Variants in COPS8 observed in about 807,000 individuals in gnomAD.
COPS8 encodes the protein COP9 signalosome subunit 8.
A neutral mutation model predicts 31.5 loss-of-function variants in COPS8; 11 were observed. The ratio of observed to expected loss-of-function variants is 0.35; its 90% CI spans 0.22 to 0.58. The LOEUF (loss-of-function observed/expected upper bound fraction) is 0.58, where lower values mean the gene tolerates loss of function less well. COPS8 is among the 20% of genes least tolerant of loss of function. The pLI, the probability that COPS8 is intolerant of heterozygous loss-of-function variation, is 0.83. For synonymous variants in COPS8, 81 were observed against 89.3 expected, an observed-to-expected ratio of 0.91 and a Z score of 0.52; for missense variants, 215 against 255.1, an observed-to-expected ratio of 0.84 and a Z score of 1.07.
At chr2:237,095,224 C>T (rs758064869) in intron 5 of COPS8, among the ~76,000 whole-genome samples, 7 of 152,136 alleles carry the variant, frequency 4.6e-5, no homozygotes, top group Admixed American at 1.3e-4. Flanking sequence ...CTTCAGAGCT[C>T]GTATTCTCAG....
At chr2:237,096,645 A>T (rs1387938266) in intron 6 of COPS8, 177 bp from the exon 7 acceptor site, 46 of 647,540 alleles carry the variant, frequency 7.1e-5, no homozygotes. Flanking sequence ...ATCCCAGTCA[A>T]GTGAGATAGT....
rs1036873318 is a variant in COPS8 at position 237,100,233 on chromosome 2, T to G, written c.*2491T>G. 1 of 152,190 alleles carries G rather than the reference T, an allele frequency of 6.6e-6. No individual in the cohort carries two copies. The highest frequency in any genetic ancestry group is 6.5e-5 in the Admixed American group (1 of 15,282). 9.4% of individuals were successfully genotyped at this position (152,190 alleles called of 1,614,324 possible). A position where few individuals can be genotyped will look rare whatever the true frequency, so the allele number is the denominator to read the frequency against. On this transcript the variant is annotated 3_prime_UTR_variant, in exon 8 of 8. Coordinates refer to ENST00000354371, the MANE Select transcript of COPS8 (RefSeq NM_006710.5). Reference sequence around the variant, plus strand: ...CAGGGTAAGAAATTGAGATTGAGCATGAAATATGTCCAGTACATCCATCAG... The same window carrying G: ...CAGGGTAAGAAATTGAGATTGAGCAGGAAATATGTCCAGTACATCCATCAG...
intron 3 of COPS8, 27 bp from the exon 4 acceptor site, chr2:237,089,835 C>T (rs1450090516): frequency 3.7e-6 from 6 of 1,607,208 alleles, no homozygotes; most frequent in Admixed American, 3.4e-5. Context: ...GAGTGAATAC[C>T]CTCTAAGGCA....
intron 1 of COPS8, chr2:237,086,825 A>G: frequency 4.7e-6 from 3 of 643,718 alleles, no homozygotes; most frequent in Non-Finnish European, 6.0e-6. Flanking sequence ...GAATTTGAGA[A>G]CTGGGGAAGG....
At chr2:237,096,919 C>G in intron 7 of COPS8, 50 bp downstream of exon 7, 1 of 1,328,626 alleles carries the variant, frequency 7.5e-7, no homozygotes, top group Non-Finnish European at 1.1e-6. Flanking sequence ...TTCCTAATTT[C>G]TTTTTTGTAG....
chr2:237,087,760 G>A (rs561402249), intron 2 of COPS8, among the ~76,000 whole-genome samples: 5 of 152,122 alleles, frequency 3.3e-5, no homozygotes, highest in Admixed American at 2.0e-4. Context: ...GTGAAACCCC[G>A]TCTGTCCTAA....
intron 4 of COPS8, among the ~76,000 whole-genome samples, chr2:237,090,320 A>G (rs565678384): frequency 2.0e-5 from 3 of 152,326 alleles, no homozygotes; most frequent in African/African-American, 7.2e-5. Context: ...GTGAAAATAG[A>G]GACTGCTCTT....
chr2:237,087,034 A>G (rs1696629433), intron 1 of COPS8, 93 bp from the exon 2 acceptor site: 2 of 773,934 alleles, frequency 2.6e-6, no homozygotes, highest in South Asian at 4.1e-5. Context: ...ATTAGCATTT[A>G]TAAAATATTA....
chr2:237,097,619 C>A, intron 7 of COPS8, 44 bp from the exon 8 acceptor site: 1 of 1,423,628 alleles, frequency 7.0e-7, no homozygotes, highest in African/African-American at 1.4e-5. Flanking sequence ...AGCTTTGTTA[C>A]TGTGGTATGT....
Position 237,095,825 on chromosome 2 carries a change from T to C in COPS8, c.443T>C (p.Ile148Thr), listed in dbSNP as rs915395164. The C allele has an allele frequency of 1.2e-6, 2 of 1,608,020 alleles. No homozygotes were observed. The highest frequency in any genetic ancestry group is 1.7e-6 in the Non-Finnish European group (2 of 1,174,476). ...GLPVEEAVKG[I>T]LEQGWQADST... The stretch of plus-strand genomic sequence containing the variant: ...TATGTGTAATATACTTTTTTAGGCA[T>C]ATTAGAACAAGGATGGCAAGCTGAT... The change falls in exon 6 of 8, where the codon ATA becomes ACA. Residue 148 changes from isoleucine (I) to threonine (T), a missense_variant. Ile to Thr is a moderately conservative substitution (Grantham distance 89). Coordinates refer to ENST00000354371, the MANE Select transcript of COPS8 (RefSeq NM_006710.5).
At position 237,099,835 on chromosome 2, in the gene COPS8, C is replaced by T. The variant is rs2106348790; in HGVS notation, c.*2093C>T. 1 of 152,252 alleles carries T rather than the reference C, an allele frequency of 6.6e-6. No homozygotes were observed. Among genetic ancestry groups the T allele is most frequent in the African/African-American group, 2.4e-5 (1 of 41,542 alleles). The allele number at this position is 152,252 out of a possible 1,614,324, so 9.4% of individuals were successfully genotyped here. A position where few individuals can be genotyped will look rare whatever the true frequency, so the allele number is the denominator to read the frequency against. On this transcript the variant is annotated 3_prime_UTR_variant, in exon 8 of 8. Coordinates refer to ENST00000354371, the MANE Select transcript of COPS8 (RefSeq NM_006710.5). Reference sequence around the variant, plus strand: ...ACAAGATGTCCAGGATTCAAGGAGGCTCTTAAAGACTTGGGATTCTGTCAA... The same window carrying T: ...ACAAGATGTCCAGGATTCAAGGAGGTTCTTAAAGACTTGGGATTCTGTCAA...
chr2:237,088,595 C>T lies in COPS8; in HGVS notation c.150-10C>T, dbSNP rs369320947. ...AATTGATTATTCTTCTTTGTGGTGG[C>T]GTAAATTAGGAATAATGCAAGATAT... On this transcript the variant is annotated splice_polypyrimidine_tract_variant and intron_variant, in intron 2 of 7. Transcript: ENST00000354371. 357 of 1,578,434 alleles carry T rather than the reference C, an allele frequency of 2.3e-4. 2 individuals carry two copies. In the South Asian group the frequency reaches 3.6e-3, roughly 16 times the overall value.
chr2:237,094,780 C>A (rs1696767613), intron 5 of COPS8, among the ~76,000 whole-genome samples: 1 of 152,034 alleles, frequency 6.6e-6, no homozygotes, highest in Admixed American at 6.6e-5. Context: ...GCCTGGCCAA[C>A]ATGGTGAAAG....
At chr2:237,092,863 G>C (rs574495362) in intron 4 of COPS8, among the ~76,000 whole-genome samples, 1 of 152,154 alleles carries the variant, frequency 6.6e-6, no homozygotes, top group African/African-American at 2.4e-5. Flanking sequence ...TTTGGTCCTC[G>C]TGATGCCATC....
At chr2:237,097,224 C>CTTTTTTTTTTTTTTTTTTTTTTTTTTTTT (rs996251270) in intron 7 of COPS8, among the ~76,000 whole-genome samples, 4 of 95,984 alleles carry the variant, frequency 4.2e-5, no homozygotes, top group African/African-American at 1.5e-4. Flanking sequence ...TGTGGGTTTT[C>CTTTTTTTTTTTTTTTTTTTTTTTTTTTTT]TTTTTTTTTT....
chr2:237,093,047 A>C (rs550869860), intron 4 of COPS8, among the ~76,000 whole-genome samples: 1 of 152,204 alleles, frequency 6.6e-6, no homozygotes, highest in South Asian at 2.1e-4. Context: ...AAGTGTAAAC[A>C]ATACTGCTGA....
At chr2:237,094,426 G>A (rs2106346524) in intron 5 of COPS8, among the ~76,000 whole-genome samples, 1 of 152,164 alleles carries the variant, frequency 6.6e-6, no homozygotes, top group South Asian at 2.1e-4. Context: ...CACACAGTTG[G>A]TTACAAAAAT....
Position 237,096,850 on chromosome 2 carries a change from C to T in COPS8, c.531C>T (p.Asn177=), listed in dbSNP as rs1696810281. 1.2e-6 allele frequency: 2 copies of T among 1,609,770 alleles called. No homozygotes were observed. The highest frequency in any genetic ancestry group is 1.3e-5 in the African/African-American group (1 of 74,692). ...CAGGGGCCCTGGATGTTTCCTTTAA[C>T]AAGTTTATTCCCTTATCAGGTATGT... ...PVAGALDVSF[N]KFIPLSEPAP... is the part of the protein sequence containing the mutation. Residue 177 remains asparagine, a synonymous_variant, in exon 7 of 8, where the codon AAC becomes AAT. Coordinates refer to ENST00000354371, the MANE Select transcript of COPS8 (RefSeq NM_006710.5).
At chr2:237,095,784 A>T in intron 5 of COPS8, 38 bp from the exon 6 acceptor site, 1 of 1,424,356 alleles carries the variant, frequency 7.0e-7, no homozygotes, top group South Asian at 1.1e-5. Flanking sequence ...GGGGTGTTTT[A>T]TTCTTTCCGG....
Sources: gnomAD v4.1 joint callset for allele counts (sites outside exome capture counted in the v4.1 genomes callset) on GRCh38, gnomAD v4.1.1 for gene constraint, MANE v1.5 for transcripts, NCBI Gene and HGNC (gene_info 2026-07-23, HGNC 2026-07-21) for gene names.